The following DGKB variants were observed in gnomAD, a reference collection of about 807,000 sequenced individuals.
DGKB encodes the protein diacylglycerol kinase beta, also known as 90 kDa diacylglycerol kinase.
In DGKB, 67 loss-of-function variants were observed where a neutral mutation model predicts 114.3. The observed-to-expected ratio is 0.59, with a 90% CI of 0.48 to 0.72. The LOEUF is 0.72. DGKB is among the 30% of genes least tolerant of loss of function. The pLI is 0.00. For missense variants in DGKB, 907 were observed against 975.2 expected, an observed-to-expected ratio of 0.93 and a Z score of 0.93; for synonymous variants, 398 against 323.1, an observed-to-expected ratio of 1.23 and a Z score of -2.49.
intron 20 of DGKB, among the ~76,000 whole-genome samples, chr7:14,507,358 GA>G (rs773338873): frequency 2.6e-4 from 40 of 152,174 alleles, no homozygotes; most frequent in Admixed American, 1.3e-3. Flanking sequence ...CAGTTTTAAT[GA>G]AATACTTAAC....
intron 16 of DGKB, among the ~76,000 whole-genome samples, chr7:14,610,535 G>T (rs1197906474): frequency 1.3e-5 from 2 of 151,988 alleles, no homozygotes; most frequent in South Asian, 2.1e-4. Context: ...AAAGTTAAGG[G>T]ATATATTTAA....
At chr7:14,581,219 T>C (rs1238064710) in intron 18 of DGKB, among the ~76,000 whole-genome samples, 1 of 152,152 alleles carries the variant, frequency 6.6e-6, no homozygotes, top group African/African-American at 2.4e-5. Context: ...ATATCTTAAC[T>C]CAGCTAAAAA....
At chr7:14,569,114 G>A (rs546328356) in intron 20 of DGKB, among the ~76,000 whole-genome samples, 13 of 152,294 alleles carry the variant, frequency 8.5e-5, no homozygotes, top group African/African-American at 2.9e-4. Context: ...GTAAGCTGCT[G>A]AGTAGATGAC....
At chr7:14,951,596 A>G (rs1786203426) in intron 1 of DGKB, among the ~76,000 whole-genome samples, 2 of 152,032 alleles carry the variant, frequency 1.3e-5, no homozygotes, top group African/African-American at 2.4e-5. Flanking sequence ...ACATATCATT[A>G]TATATTTGTC....
At chr7:14,688,886 GTGATTCTAAAGTTTTAGTTTTTCCA>G (rs545616235) in intron 9 of DGKB, among the ~76,000 whole-genome samples, 268 of 77,414 alleles carry the variant, frequency 3.5e-3, no homozygotes, top group African/African-American at 0.015. Flanking sequence ...CTTTATCCTA[GTGATTCTAAAGTTTTAGTTTTTCCA>G]TAAATACTTC....
intron 21 of DGKB, among the ~76,000 whole-genome samples, chr7:14,441,387 T>C (rs1024784817): frequency 6.6e-6 from 1 of 152,180 alleles, no homozygotes. Context: ...TTCCAAATAA[T>C]AATCATTTGT....
chr7:14,847,086 C>T (rs1187670723), intron 1 of DGKB, among the ~76,000 whole-genome samples: 3 of 152,034 alleles, frequency 2.0e-5, no homozygotes, highest in East Asian at 1.9e-4. Flanking sequence ...GTCAGGAGAT[C>T]GAGACCATCC....
At chr7:14,168,113 G>A (rs189646666) in intron 25 of DGKB, among the ~76,000 whole-genome samples, 1 of 152,104 alleles carries the variant, frequency 6.6e-6, no homozygotes, top group Admixed American at 6.5e-5. Context: ...AGAAATAGAA[G>A]ATAGTTAAAA....
chr7:14,352,084 C>T (rs1813548946), intron 21 of DGKB, among the ~76,000 whole-genome samples: 1 of 152,058 alleles, frequency 6.6e-6, no homozygotes, highest in South Asian at 2.1e-4. Context: ...GTATCTAATG[C>T]TCATTCATAA....
chr7:14,820,393 T>G (rs1026748024), intron 2 of DGKB, among the ~76,000 whole-genome samples: 1 of 152,180 alleles, frequency 6.6e-6, no homozygotes, highest in South Asian at 2.1e-4. Flanking sequence ...TTAAACGCTA[T>G]AGTATGGTGT....
At chr7:14,761,675 G>T (rs182278181) in intron 2 of DGKB, among the ~76,000 whole-genome samples, 1 of 152,222 alleles carries the variant, frequency 6.6e-6, no homozygotes, top group African/African-American at 2.4e-5. Flanking sequence ...ATAGAGCTTC[G>T]GGAAAGAGCA....
At chr7:14,880,351 G>A (rs1174356643) in intron 1 of DGKB, among the ~76,000 whole-genome samples, 2 of 152,100 alleles carry the variant, frequency 1.3e-5, no homozygotes, top group African/African-American at 4.8e-5. Flanking sequence ...CCAGCTACTC[G>A]GGAGGCTGAG....
intron 17 of DGKB, among the ~76,000 whole-genome samples, chr7:14,589,913 G>T (rs1801403751): frequency 6.7e-6 from 1 of 149,682 alleles, no homozygotes; most frequent in South Asian, 2.2e-4. Context: ...AAAATATGTT[G>T]CAGAGTATTC....
At chr7:14,215,387 C>G (rs986387187) in intron 23 of DGKB, among the ~76,000 whole-genome samples, 1 of 151,932 alleles carries the variant, frequency 6.6e-6, no homozygotes, top group Non-Finnish European at 1.5e-5. Context: ...AATGCAGGGC[C>G]CCATAGTAAG....
chr7:14,576,991 C>T (rs1045290349), intron 19 of DGKB, among the ~76,000 whole-genome samples: 4 of 152,164 alleles, frequency 2.6e-5, no homozygotes, highest in African/African-American at 9.7e-5. Context: ...CTTTTCCCTA[C>T]TTCTTGTATG....
chr7:14,798,919 C>G (rs1333032571), intron 2 of DGKB, among the ~76,000 whole-genome samples: 2 of 152,188 alleles, frequency 1.3e-5, no homozygotes, highest in Non-Finnish European at 2.9e-5. Context: ...CCGTCAATAT[C>G]TAGGAAAATA....
intron 2 of DGKB, among the ~76,000 whole-genome samples, chr7:14,806,147 T>C (rs538612396): frequency 6.6e-6 from 1 of 152,060 alleles, no homozygotes; most frequent in East Asian, 1.9e-4. Context: ...AGAAGCTTAG[T>C]TTCTATTCTT....
chr7:14,969,956 A>G (rs913684762), intron 1 of DGKB, among the ~76,000 whole-genome samples: 1 of 152,204 alleles, frequency 6.6e-6, no homozygotes, highest in Admixed American at 6.5e-5. Context: ...GCTAGACTAT[A>G]GAAAATTTTC....
At chr7:14,786,162 ACG>A (rs966149297) in intron 2 of DGKB, among the ~76,000 whole-genome samples, 1 of 150,892 alleles carries the variant, frequency 6.6e-6, no homozygotes, top group African/African-American at 2.5e-5. Context: ...ACACACACAC[ACG>A]CACACAGCCT....
Sources: allele counts gnomAD v4.1 joint callset (sites outside exome capture counted in the v4.1 genomes callset), GRCh38; gene constraint gnomAD v4.1.1; transcripts MANE v1.5; gene names NCBI Gene and HGNC (gene_info 2026-07-23, HGNC 2026-07-21).